WDR82: variants seen among roughly 807,000 people sequenced by gnomAD.
WDR82 encodes the protein WD repeat-containing protein 82.
Under a neutral mutation model 36.1 loss-of-function variants are expected in WDR82, and 8 were observed. That is an observed-to-expected ratio of 0.22 (90% CI 0.13 to 0.40). The LOEUF is 0.40. Among genes scored for constraint, WDR82 ranks in the 10% least tolerant of loss-of-function variants. The pLI is 1.00. For missense variants in WDR82, 185 were observed against 400.5 expected, an observed-to-expected ratio of 0.46 and a Z score of 4.59; for synonymous variants, 129 against 137.8, an observed-to-expected ratio of 0.94 and a Z score of 0.45.
chr3:52,274,188 T>G (rs1700180166), intron 1 of WDR82, among the ~76,000 whole-genome samples: 1 of 152,202 alleles, frequency 6.6e-6, no homozygotes. Flanking sequence ...AAATGACCAG[T>G]AAACTGGAAA....
chr3:52,257,534 T>C lies in WDR82; in HGVS notation c.913-15A>G, dbSNP rs779114510. On this transcript the variant is annotated splice_polypyrimidine_tract_variant and intron_variant, in intron 8 of 8. Coordinates refer to ENST00000296490, the MANE Select transcript of WDR82 (RefSeq NM_025222.4). ...AACCAAAAGGCCTAGAAGGAGAACA[T>C]AAATCAACTTTAAAAAGCCAAGCAT... The C allele has an allele frequency of 3.1e-6, 5 of 1,613,854 alleles. No homozygotes were observed. The highest frequency in any genetic ancestry group is 4.2e-6 in the Non-Finnish European group (5 of 1,179,984).
At chr3:52,261,738 C>T (rs1356006513) in intron 3 of WDR82, among the ~76,000 whole-genome samples, 1 of 151,998 alleles carries the variant, frequency 6.6e-6, no homozygotes, top group Non-Finnish European at 1.5e-5. Context: ...AATACTACTC[C>T]ACACCCTCTA....
At chr3:52,260,030 G>A (rs888115256) in intron 5 of WDR82, among the ~76,000 whole-genome samples, 158 bp from the exon 6 acceptor site, 1 of 152,086 alleles carries the variant, frequency 6.6e-6, no homozygotes. Context: ...TTTTCCTTTT[G>A]TAGAAAAGGC....
chr3:52,265,299 C>CAAAAAAAAAA (rs869189597), intron 3 of WDR82, among the ~76,000 whole-genome samples: 5 of 43,810 alleles, frequency 1.1e-4, no homozygotes, highest in East Asian at 1.0e-3. Context: ...GACTCTGTCT[C>CAAAAAAAAAA]AAAAAAAAAA....
intron 2 of WDR82, chr3:52,268,265 G>A (rs1239378496): frequency 4.3e-6 from 2 of 468,938 alleles, no homozygotes; most frequent in Non-Finnish European, 8.9e-6. Flanking sequence ...CTTGGCAGCT[G>A]GCGCGCTGTT....
intron 4 of WDR82, among the ~76,000 whole-genome samples, chr3:52,261,061 G>A (rs1578005625): frequency 6.6e-6 from 1 of 152,290 alleles, no homozygotes; most frequent in African/African-American, 2.4e-5. Context: ...GGAGGTGGAG[G>A]TTGCGGTGAG....
At chr3:52,274,965 G>C (rs949463934) in intron 1 of WDR82, among the ~76,000 whole-genome samples, 1 of 152,164 alleles carries the variant, frequency 6.6e-6, no homozygotes, top group African/African-American at 2.4e-5. Flanking sequence ...GCTCATGCCT[G>C]CAATCCCAGC....
intron 1 of WDR82, among the ~76,000 whole-genome samples, chr3:52,271,680 G>T (rs915958535): frequency 6.6e-6 from 1 of 152,048 alleles, no homozygotes; most frequent in African/African-American, 2.4e-5. Flanking sequence ...TCTTGCAGAA[G>T]ACATCCATCC....
rs1700010897 is a variant in WDR82, at chr3:52,256,508, C to G, written c.*982G>C. ...CCTAGAACCAGCTCTTGGTTGGGAG[C>G]TGGGGAAAGGGGTGGTATCATCTGA... is the stretch of plus-strand genomic sequence containing the variant. On this transcript the variant is annotated 3_prime_UTR_variant, in exon 9 of 9. Transcript: ENST00000296490. The G allele has an allele frequency of 6.5e-6, 1 of 153,682 alleles. No homozygotes were observed. Among genetic ancestry groups the G allele is most frequent in the Admixed American group, 6.5e-5 (1 of 15,272 alleles). 9.5% of individuals were successfully genotyped at this position (153,682 alleles called of 1,614,324 possible). A position where few individuals can be genotyped will look rare whatever the true frequency, so the allele number is the denominator to read the frequency against.
intron 2 of WDR82, among the ~76,000 whole-genome samples, chr3:52,268,704 AC>A (rs1700127140): frequency 6.6e-6 from 1 of 151,744 alleles, no homozygotes; most frequent in Admixed American, 6.6e-5. Context: ...AAAAATCAAT[AC>A]AGGCAGAAGA....
chr3:52,274,810 G>A (rs943465954), intron 1 of WDR82, among the ~76,000 whole-genome samples: 5 of 152,152 alleles, frequency 3.3e-5, no homozygotes, highest in Non-Finnish European at 5.9e-5. Context: ...GCTGAGGCAC[G>A]AGAATCGCTT....
chr3:52,278,071 C>T (rs1249844869), intron 1 of WDR82, 130 bp downstream of exon 1: 24 of 933,360 alleles, frequency 2.6e-5, no homozygotes, highest in Non-Finnish European at 1.9e-5. Flanking sequence ...GGGGTGGAGG[C>T]GGCCCTGGCA....
chr3:52,274,405 T>C (rs760734327), intron 1 of WDR82, among the ~76,000 whole-genome samples: 1 of 151,806 alleles, frequency 6.6e-6, no homozygotes, highest in African/African-American at 2.4e-5. Context: ...TTGTCTCCAC[T>C]AAAAATAAAA....
At chr3:52,265,603 G>GC (rs1700099009) in intron 3 of WDR82, among the ~76,000 whole-genome samples, 1 of 123,662 alleles carries the variant, frequency 8.1e-6, no homozygotes, top group African/African-American at 3.1e-5. Context: ...ACAGGGTCTT[G>GC]CTCTGTCACC....
intron 2 of WDR82, chr3:52,267,235 G>A (rs1700113895): frequency 2.6e-6 from 1 of 378,452 alleles, no homozygotes; most frequent in African/African-American, 2.2e-5. Context: ...TGACAGCATA[G>A]AAAGCAATGT....
chr3:52,262,296 A>C (rs1347374761), intron 3 of WDR82, among the ~76,000 whole-genome samples: 2 of 152,376 alleles, frequency 1.3e-5, no homozygotes, highest in East Asian at 1.9e-4. Context: ...AGTGATAAAA[A>C]TGTTCTGAAG....
At chr3:52,275,432 C>G (rs1700194445) in intron 1 of WDR82, among the ~76,000 whole-genome samples, 1 of 152,160 alleles carries the variant, frequency 6.6e-6, no homozygotes, top group South Asian at 2.1e-4. Context: ...CAGTTCCCTC[C>G]TAACTACCAG....
chr3:52,262,762 GCTC>G (rs1286745555), intron 3 of WDR82, among the ~76,000 whole-genome samples: 7 of 152,204 alleles, frequency 4.6e-5, no homozygotes, highest in Admixed American at 6.5e-5. Context: ...ATCTGCACCA[GCTC>G]CTCAAGTTAA....
At chr3:52,267,600 G>A (rs947016291) in intron 2 of WDR82, 3 of 152,486 alleles carry the variant, frequency 2.0e-5, no homozygotes, top group African/African-American at 4.8e-5. Flanking sequence ...GAGAAGTGAT[G>A]TCAAGATCTG....
Sources: gnomAD v4.1 joint callset for allele counts (sites outside exome capture counted in the v4.1 genomes callset) on GRCh38, gnomAD v4.1.1 for gene constraint, MANE v1.5 for transcripts, NCBI Gene and HGNC (gene_info 2026-07-23, HGNC 2026-07-21) for gene names.